KLHDC1: variants seen among roughly 807,000 people sequenced by gnomAD.
KLHDC1 encodes kelch domain-containing protein 1.
In KLHDC1, 53 loss-of-function variants were observed where a neutral mutation model predicts 68.3. The ratio of observed to expected loss-of-function variants is 0.78; its 90% CI spans 0.62 to 0.98. KLHDC1 has a LOEUF of 0.98. Among genes scored for constraint, KLHDC1 ranks in the 50% least tolerant of loss-of-function variants. KLHDC1 has a pLI of 0.00. For synonymous variants in KLHDC1, 148 were observed against 159.0 expected (o/e 0.93, Z 0.52); for missense variants, 470 against 492.3 (o/e 0.95, Z 0.43).
At chr14:49,737,542 T>C (rs1464334516) in intron 10 of KLHDC1, among the ~76,000 whole-genome samples, 1 of 152,116 alleles carries the variant, frequency 6.6e-6, no homozygotes, top group Non-Finnish European at 1.5e-5. Flanking sequence ...GTTTTAGGTA[T>C]CTGTTGCTTC....
chr14:49,735,609 T>A (rs1351933628), intron 10 of KLHDC1, among the ~76,000 whole-genome samples: 4 of 142,640 alleles, frequency 2.8e-5, no homozygotes, highest in African/African-American at 1.0e-4. Context: ...TCTTTTGAAA[T>A]TTTTTTTTTT....
chr14:49,734,174 A>G (rs1360814058), intron 9 of KLHDC1, among the ~76,000 whole-genome samples: 3 of 152,170 alleles, frequency 2.0e-5, no homozygotes, highest in Non-Finnish European at 2.9e-5. Context: ...GTTTCAGTCT[A>G]AGATTTGGTC....
chr14:49,721,279 C>T (rs1888518596), intron 4 of KLHDC1, among the ~76,000 whole-genome samples: 1 of 152,070 alleles, frequency 6.6e-6, no homozygotes, highest in South Asian at 2.1e-4. Context: ...TTCAAGCAAT[C>T]TTCCCACCTC....
intron 4 of KLHDC1, among the ~76,000 whole-genome samples, chr14:49,720,933 C>T (rs1177809873): frequency 6.6e-6 from 1 of 151,914 alleles, no homozygotes; most frequent in Non-Finnish European, 1.5e-5. Context: ...TTCTTTAGTT[C>T]TGACATATTA....
chr14:49,737,204 C>T (rs577784254), intron 10 of KLHDC1, among the ~76,000 whole-genome samples: 43 of 152,256 alleles, frequency 2.8e-4, no homozygotes, highest in African/African-American at 1.0e-3. Flanking sequence ...CCATCCTTGA[C>T]CCCACCACGT....
At chr14:49,699,925 G>A (rs545857060) in intron 1 of KLHDC1, 79 of 186,220 alleles carry the variant, frequency 4.2e-4, no homozygotes, top group Admixed American at 1.1e-3. Flanking sequence ...GGAAAAACTC[G>A]GTATCTTGGC....
At chr14:49,740,313 AATT>A in intron 11 of KLHDC1, 131 bp downstream of exon 11, 1 of 585,416 alleles carries the variant, frequency 1.7e-6, no homozygotes, top group South Asian at 2.2e-5. Context: ...TCTGTGGTTT[AATT>A]AATCTTCAGG....
intron 1 of KLHDC1, among the ~76,000 whole-genome samples, chr14:49,707,287 TGTGTGTGTGTGA>T (rs745903852): frequency 2.1e-5 from 3 of 140,768 alleles, no homozygotes; most frequent in Non-Finnish European, 4.7e-5. Context: ...TGTGTGTGTG[TGTGTGTGTGTGA>T]GAGAGAGAGA....
chr14:49,730,848 T>A (rs182728064), intron 8 of KLHDC1, among the ~76,000 whole-genome samples: 288 of 151,886 alleles, frequency 1.9e-3, no homozygotes, highest in Non-Finnish European at 3.3e-3. Context: ...GGTGGACGCC[T>A]ATAATCCCAG....
Position 49,714,322 on chromosome 14 carries a change from A to C in KLHDC1, c.404+3941A>C, listed in dbSNP as rs900355842. On this transcript the variant is annotated intron_variant, in intron 4 of 12. Coordinates refer to ENST00000359332, the MANE Select transcript of KLHDC1 (RefSeq NM_172193.3). ...CCCTGTCTCTACTAAAAATACAAAA[A>C]ATTAGCCAGGCGTGGTGGCAGGCAC... is the stretch of plus-strand genomic sequence containing the variant. Among the ~76,000 whole-genome samples, 4 of 151,366 alleles carry C rather than the reference A, an allele frequency of 2.6e-5. No homozygotes were observed. The East Asian group carries it at 7.9e-4, about 30-fold the overall frequency.
intron 4 of KLHDC1, 56 bp from the exon 5 acceptor site, chr14:49,723,818 A>G (rs556849645): frequency 1.2e-5 from 12 of 1,020,186 alleles, no homozygotes; most frequent in African/African-American, 1.1e-4. Flanking sequence ...TCAGCTTTCT[A>G]TGAACAAACT....
chr14:49,734,793 G>A (rs937355372), intron 10 of KLHDC1, 132 bp downstream of exon 10: 3 of 399,100 alleles, frequency 7.5e-6, no homozygotes, highest in East Asian at 7.8e-5. Flanking sequence ...TGAGCTTGAT[G>A]TTACCTAAAT....
chr14:49,718,285 T>C (rs1888430981), intron 4 of KLHDC1, among the ~76,000 whole-genome samples: 1 of 152,062 alleles, frequency 6.6e-6, no homozygotes, highest in African/African-American at 2.4e-5. Flanking sequence ...TTTGTTGTTG[T>C]TGTTTGTTTG....
intron 4 of KLHDC1, among the ~76,000 whole-genome samples, chr14:49,713,652 G>A (rs1888267096): frequency 6.6e-6 from 1 of 151,070 alleles, no homozygotes; most frequent in African/African-American, 2.4e-5. Context: ...TTGGGAGGCT[G>A]AGGTAAGAGG....
In KLHDC1 at chr14:49,732,173, CT is replaced by C. The variant is rs934214389; in HGVS notation, c.711-518del. ...GCATTGTGCATTAACGGAGAATTGA[CT>C]TTTTTTTTTTTTCTTGGAGAAGCAG... On this transcript the variant is annotated intron_variant, in intron 8 of 12. Coordinates refer to ENST00000359332, the MANE Select transcript of KLHDC1 (RefSeq NM_172193.3). Among the ~76,000 whole-genome samples the C allele has an allele frequency of 4.6e-3, 662 of 145,358 alleles. 5 individuals are homozygous for C. The highest frequency in any genetic ancestry group is 0.013 in the African/African-American group (539 of 40,008).
chr14:49,735,794 TGA>T (rs1888917090), intron 10 of KLHDC1, among the ~76,000 whole-genome samples: 1 of 152,104 alleles, frequency 6.6e-6, no homozygotes, highest in African/African-American at 2.4e-5. Flanking sequence ...GAGGATCACT[TGA>T]GTCCAGGAGT....
intron 4 of KLHDC1, among the ~76,000 whole-genome samples, chr14:49,717,430 G>C (rs1047271997): frequency 7.2e-5 from 11 of 152,162 alleles, no homozygotes; most frequent in Admixed American, 4.6e-4. Context: ...ATGTGAAATG[G>C]TATTTCATTG....
chr14:49,695,665 C>G (rs934706314), intron 1 of KLHDC1, among the ~76,000 whole-genome samples: 1 of 152,230 alleles, frequency 6.6e-6, no homozygotes, highest in Non-Finnish European at 1.5e-5. Flanking sequence ...TAGCCACTAA[C>G]AAGAGAATTA....
intron 1 of KLHDC1, among the ~76,000 whole-genome samples, chr14:49,707,975 C>T (rs891115392): frequency 1.3e-5 from 2 of 151,336 alleles, no homozygotes; most frequent in East Asian, 1.9e-4. Flanking sequence ...ATTTAAAGAA[C>T]ATACAATGAG....
Sources: gnomAD v4.1 joint callset for allele counts (sites outside exome capture counted in the v4.1 genomes callset) on GRCh38, gnomAD v4.1.1 for gene constraint, MANE v1.5 for transcripts, NCBI Gene and HGNC (gene_info 2026-07-23, HGNC 2026-07-21) for gene names.